Variants in GNAQ observed in about 807,000 individuals in gnomAD.
The protein encoded by GNAQ is G protein subunit alpha q.
Under a neutral mutation model 43.9 loss-of-function variants are expected in GNAQ, and 8 were observed. The ratio of observed to expected loss-of-function variants is 0.18; its 90% confidence interval spans 0.11 to 0.33. The LOEUF (loss-of-function observed/expected upper bound fraction) is 0.33. Among genes scored for constraint, GNAQ ranks in the 10% least tolerant of loss-of-function variants. The pLI, the probability that GNAQ is intolerant of heterozygous loss-of-function variation, is 1.00. For synonymous variants in GNAQ, 155 were observed against 170.7 expected (o/e 0.91, Z 0.71); for missense variants, 158 against 450.8 (o/e 0.35, Z 5.88).
At chr9:77,832,146 A>C (rs1827308543) in intron 2 of GNAQ, among the ~76,000 whole-genome samples, 1 of 150,836 alleles carries the variant, frequency 6.6e-6, no homozygotes, top group Non-Finnish European at 1.5e-5. Flanking sequence ...TGTACCCATC[A>C]CATACAACTC....
Position 77,786,605 on chromosome 9 carries a change from G to A in GNAQ, c.735+7858C>T, listed in dbSNP as rs767438612. On this transcript the variant is annotated intron_variant, in intron 5 of 6. Transcript: ENST00000286548. ...GCATTGCACTATAGCTATTCACCAG[G>A]AAGATATGCCTGAGTAAAAAGGCAC... Among the ~76,000 whole-genome samples the A allele has an allele frequency of 5.7e-4, 87 of 152,100 alleles. 1 individual carries two copies. The highest frequency in any genetic ancestry group is 1.6e-4 in the Non-Finnish European group (11 of 68,028).
At chr9:77,743,499 T>C (rs1188653779) in intron 5 of GNAQ, among the ~76,000 whole-genome samples, 1 of 152,140 alleles carries the variant, frequency 6.6e-6, no homozygotes, top group East Asian at 1.9e-4. Flanking sequence ...ATTCTATTGC[T>C]GAAATAGACC....
chr9:77,967,144 T>G (rs1433342259), intron 1 of GNAQ, among the ~76,000 whole-genome samples: 1 of 152,158 alleles, frequency 6.6e-6, no homozygotes, highest in Non-Finnish European at 1.5e-5. Context: ...TCTTTAACCC[T>G]GAATGCATCT....
intron 5 of GNAQ, 110 bp from the exon 6 acceptor site, chr9:77,728,777 T>C: frequency 1.4e-6 from 1 of 721,392 alleles, no homozygotes; most frequent in Non-Finnish European, 2.3e-6. Flanking sequence ...TACGACCAGT[T>C]TTTGTAGCCC....
chr9:77,896,208 A>T (rs1448493409), intron 2 of GNAQ, among the ~76,000 whole-genome samples: 1 of 152,202 alleles, frequency 6.6e-6, no homozygotes, highest in African/African-American at 2.4e-5. Context: ...ATTTACAACA[A>T]AAGAAGCTAA....
At chr9:77,763,970 T>C (rs1826094789) in intron 5 of GNAQ, among the ~76,000 whole-genome samples, 1 of 152,218 alleles carries the variant, frequency 6.6e-6, no homozygotes, top group South Asian at 2.1e-4. Context: ...CTTCGAAGGC[T>C]TGGATTTTGG....
intron 5 of GNAQ, among the ~76,000 whole-genome samples, chr9:77,751,236 A>G (rs1177314676): frequency 6.6e-6 from 1 of 152,172 alleles, no homozygotes. Context: ...TGATTTTTGG[A>G]AGATTTTGCC....
At chr9:77,785,183 T>C (rs1224772303) in intron 5 of GNAQ, among the ~76,000 whole-genome samples, 1 of 152,150 alleles carries the variant, frequency 6.6e-6, no homozygotes, top group East Asian at 1.9e-4. Context: ...TCACCCACAC[T>C]TGTAGGACAA....
chr9:77,920,749 T>C (rs1427470448), intron 2 of GNAQ, among the ~76,000 whole-genome samples: 1 of 152,172 alleles, frequency 6.6e-6, no homozygotes, highest in East Asian at 1.9e-4. Flanking sequence ...GTCTTTTTGT[T>C]ATTTGTGGAA....
intron 1 of GNAQ, among the ~76,000 whole-genome samples, chr9:77,981,772 C>T (rs1335509948): frequency 6.6e-6 from 1 of 152,158 alleles, no homozygotes; most frequent in East Asian, 1.9e-4. Context: ...GTGTTCTTCG[C>T]AGCTCCAGAA....
At chr9:77,914,959 T>C (rs1045824074) in intron 2 of GNAQ, among the ~76,000 whole-genome samples, 5 of 152,166 alleles carry the variant, frequency 3.3e-5, no homozygotes, top group Non-Finnish European at 7.4e-5. Flanking sequence ...ATTGTCTTTT[T>C]AAAAATTTTT....
intron 5 of GNAQ, among the ~76,000 whole-genome samples, chr9:77,766,323 CTTG>C (rs1255151996): frequency 2.0e-5 from 3 of 152,164 alleles, no homozygotes; most frequent in Non-Finnish European, 4.4e-5. Flanking sequence ...TCAACGTTTC[CTTG>C]TTATTTTTCA....
At chr9:78,030,883 GTCGC>G (rs201218472) in intron 1 of GNAQ, among the ~76,000 whole-genome samples, 5 of 131,218 alleles carry the variant, frequency 3.8e-5, no homozygotes, top group African/African-American at 1.6e-4. Context: ...GCGTGTGTGT[GTCGC>G]TGTGTGTGTG....
At chr9:77,903,957 T>C (rs1828660114) in intron 2 of GNAQ, among the ~76,000 whole-genome samples, 1 of 152,044 alleles carries the variant, frequency 6.6e-6, no homozygotes, top group African/African-American at 2.4e-5. Flanking sequence ...AAAAAAATCT[T>C]GTGAAATCAC....
intron 1 of GNAQ, among the ~76,000 whole-genome samples, chr9:77,978,725 T>A (rs543354376): frequency 6.6e-6 from 1 of 152,304 alleles, no homozygotes; most frequent in African/African-American, 2.4e-5. Flanking sequence ...CTCCACTAAA[T>A]GTTCAAAACT....
Position 78,031,012 on chromosome 9 carries a change from G to A in GNAQ, c.136+88C>T, listed in dbSNP as rs1247225891. 2.8e-5 allele frequency: 28 copies of A among 992,294 alleles called. No individual in the cohort carries two copies. The East Asian group carries it at 6.8e-4, about 24-fold the overall frequency. 61.5% of individuals were successfully genotyped at this position (992,294 alleles called of 1,614,324 possible). ...AGGGGCGAACCGCGGGCGCCGGGGGGCGGGGGCGCCGAAGGCAGCTGCCCC... is the reference window on the plus strand; with the variant it reads ...AGGGGCGAACCGCGGGCGCCGGGGGACGGGGGCGCCGAAGGCAGCTGCCCC... On this transcript the variant is annotated intron_variant, in intron 1 of 6. Transcript: ENST00000286548.
intron 1 of GNAQ, among the ~76,000 whole-genome samples, chr9:78,022,359 G>C (rs1823921548): frequency 1.3e-5 from 2 of 152,256 alleles, no homozygotes; most frequent in African/African-American, 4.8e-5. Flanking sequence ...CATTCTACAG[G>C]TTTTTATAGA....
intron 1 of GNAQ, among the ~76,000 whole-genome samples, chr9:78,025,857 ATTTCT>A (rs750613085): frequency 6.6e-6 from 1 of 152,170 alleles, no homozygotes; most frequent in Non-Finnish European, 1.5e-5. Flanking sequence ...AATCTTGTTA[ATTTCT>A]TTTCAAGTGT....
At chr9:77,990,499 A>C (rs1823495064) in intron 1 of GNAQ, among the ~76,000 whole-genome samples, 1 of 152,208 alleles carries the variant, frequency 6.6e-6, no homozygotes, top group South Asian at 2.1e-4. Flanking sequence ...CTGGGATTAC[A>C]GGCATGAGCC....
Sources: allele counts gnomAD v4.1 joint callset (sites outside exome capture counted in the v4.1 genomes callset), GRCh38; gene constraint gnomAD v4.1.1; transcripts MANE v1.5; gene names NCBI Gene and HGNC (gene_info 2026-07-23, HGNC 2026-07-21).